Variants in GCNT2 observed in about 807,000 individuals in gnomAD.
GCNT2 encodes N-acetyllactosaminide beta-1,6-N-acetylglucosaminyl-transferase.
In GCNT2, 34 loss-of-function variants were observed where a neutral mutation model predicts 34.2. The observed-to-expected ratio is 1.00, with a 90% CI of 0.76 to 1.32. GCNT2 has a LOEUF of 1.32. Among genes scored for constraint, GCNT2 ranks in the 40% most tolerant of loss-of-function variants. The probability of loss-of-function intolerance (pLI) is 0.00; values close to 1 mark genes in which losing one functional copy is unlikely to be tolerated. For missense variants in GCNT2, 584 were observed against 489.4 expected (o/e 1.19, Z -1.82); for synonymous variants, 212 against 188.0 (o/e 1.13, Z -1.04).
chr6:10,542,893 CTTTTT>C (rs869251646), intron 3 of GCNT2, among the ~76,000 whole-genome samples: 6 of 82,250 alleles, frequency 7.3e-5, no homozygotes, highest in African/African-American at 3.1e-4. Context: ...TATGTTAATT[CTTTTT>C]TTTTTTTTTT....
intron 4 of GCNT2, 72 bp downstream of exon 4, chr6:10,621,515 G>C (rs1377995503): frequency 2.1e-6 from 2 of 937,484 alleles, no homozygotes; most frequent in East Asian, 2.5e-5. Context: ...TGGAATCCAG[G>C]GTTCTCATGG....
intron 3 of GCNT2, among the ~76,000 whole-genome samples, chr6:10,598,057 C>T (rs1322473190): frequency 6.6e-6 from 1 of 152,170 alleles, no homozygotes; most frequent in Non-Finnish European, 1.5e-5. Context: ...CTTAACCTCT[C>T]TGGGCCTCAG....
At position 10,586,356 on chromosome 6, in the gene GCNT2, G is replaced by C. The variant is rs185966856; in HGVS notation, c.926-34995G>C. 38 of 1,614,138 alleles carry C rather than the reference G, an allele frequency of 2.4e-5. No individual in the cohort carries two copies. In the Admixed American group the frequency reaches 3.8e-4, roughly 16 times the overall value. On this transcript the variant is annotated intron_variant, in intron 3 of 4. Coordinates refer to ENST00000495262, the MANE Select transcript of GCNT2 (RefSeq NM_145649.5). ...TAGGGCTATCTATATGCCCCAAAATGTCTACTGTGTTCACGTGGATGAGAA... is the reference window on the plus strand; with the variant it reads ...TAGGGCTATCTATATGCCCCAAAATCTCTACTGTGTTCACGTGGATGAGAA...
At chr6:10,545,903 AG>A (rs1427382048) in intron 3 of GCNT2, among the ~76,000 whole-genome samples, 1 of 152,210 alleles carries the variant, frequency 6.6e-6, no homozygotes, top group Non-Finnish European at 1.5e-5. Flanking sequence ...ACTGTTGACA[AG>A]ATGTGGGGCC....
At chr6:10,594,845 C>G (rs983074536) in intron 3 of GCNT2, among the ~76,000 whole-genome samples, 55 of 150,660 alleles carry the variant, frequency 3.7e-4, no homozygotes, top group African/African-American at 1.3e-3. Context: ...CAGGTGGATA[C>G]CAGTTCCTTT....
chr6:10,598,389 G>C (rs1182434152), intron 3 of GCNT2, among the ~76,000 whole-genome samples: 2 of 151,988 alleles, frequency 1.3e-5, no homozygotes, highest in Non-Finnish European at 2.9e-5. Flanking sequence ...CCTCTCCACG[G>C]TATATTAATG....
At chr6:10,527,839 C>T (rs920376199) in intron 2 of GCNT2, among the ~76,000 whole-genome samples, 179 bp downstream of exon 2, 3 of 152,044 alleles carry the variant, frequency 2.0e-5, no homozygotes, top group Non-Finnish European at 4.4e-5. Context: ...TCACAATTGA[C>T]CTCTGGTGGT....
chr6:10,531,608 CTT>C (rs951669367), intron 3 of GCNT2, among the ~76,000 whole-genome samples: 1 of 152,160 alleles, frequency 6.6e-6, no homozygotes, highest in Non-Finnish European at 1.5e-5. Context: ...TTAGAATTCT[CTT>C]TAAGTCTGTG....
chr6:10,588,850 G>GTAT (rs1764474475), intron 3 of GCNT2, among the ~76,000 whole-genome samples: 1 of 143,856 alleles, frequency 7.0e-6, no homozygotes, highest in South Asian at 2.3e-4. Context: ...GTGTGTGTGT[G>GTAT]GTGTGTATGT....
chr6:10,526,284 C>G (rs963169952), intron 1 of GCNT2, among the ~76,000 whole-genome samples: 2 of 152,270 alleles, frequency 1.3e-5, no homozygotes, highest in South Asian at 2.1e-4. Context: ...GCTGTAGAAT[C>G]TGATTCCAGA....
intron 1 of GCNT2, among the ~76,000 whole-genome samples, chr6:10,527,100 G>A (rs967719413): frequency 5.3e-5 from 8 of 152,180 alleles, no homozygotes; most frequent in African/African-American, 1.9e-4. Context: ...TGTGATCAGG[G>A]AAGCAGGGAA....
intron 3 of GCNT2, among the ~76,000 whole-genome samples, chr6:10,538,437 AAT>A (rs1554127248): frequency 0.028 from 2,025 of 73,306 alleles, 42 homozygotes; most frequent in Non-Finnish European, 0.033. Context: ...AAAAAAAAAA[AAT>A]ATATATATAT....
chr6:10,589,233 T>A (rs1764520258), intron 3 of GCNT2, among the ~76,000 whole-genome samples: 2 of 145,914 alleles, frequency 1.4e-5, no homozygotes, highest in African/African-American at 5.1e-5. Flanking sequence ...AGTGTATGTA[T>A]CTGGTGTGTG....
intron 1 of GCNT2, among the ~76,000 whole-genome samples, chr6:10,522,674 G>C (rs927095095): frequency 1.2e-4 from 18 of 152,184 alleles, no homozygotes; most frequent in Non-Finnish European, 2.1e-4. Context: ...TCAGAAGCTT[G>C]AGGTCTCCCT....
At chr6:10,557,518 C>A (rs1344589246) in intron 3 of GCNT2, among the ~76,000 whole-genome samples, 1 of 151,216 alleles carries the variant, frequency 6.6e-6, no homozygotes, top group Non-Finnish European at 1.5e-5. Context: ...GACTGGATCT[C>A]ACTCTGTGGC....
intron 3 of GCNT2, among the ~76,000 whole-genome samples, chr6:10,596,487 C>T (rs1241179644): frequency 6.6e-6 from 1 of 151,836 alleles, no homozygotes; most frequent in Non-Finnish European, 1.5e-5. Context: ...CGCCACTGCA[C>T]TCCAGGCTGG....
intron 3 of GCNT2, among the ~76,000 whole-genome samples, chr6:10,562,672 A>AG (rs1396993132): frequency 6.6e-6 from 1 of 151,390 alleles, no homozygotes; most frequent in Admixed American, 6.6e-5. Context: ...AAAAAAAAAA[A>AG]AAAAACAAAA....
At chr6:10,566,032 T>G (rs1174983451) in intron 3 of GCNT2, among the ~76,000 whole-genome samples, 1 of 152,142 alleles carries the variant, frequency 6.6e-6, no homozygotes, top group Admixed American at 6.5e-5. Flanking sequence ...CCTTGGCCTT[T>G]CCAGTGACTT....
intron 3 of GCNT2, among the ~76,000 whole-genome samples, chr6:10,604,372 G>A (rs146490464): frequency 1.6e-4 from 25 of 152,126 alleles, no homozygotes; most frequent in Non-Finnish European, 3.1e-4. Context: ...AGACTCACAA[G>A]GTAAATATGC....
Sources: gnomAD v4.1 joint callset for allele counts (sites outside exome capture counted in the v4.1 genomes callset) on GRCh38, gnomAD v4.1.1 for gene constraint, MANE v1.5 for transcripts, NCBI Gene and HGNC (gene_info 2026-07-23, HGNC 2026-07-21) for gene names.